The following DGKK variants were observed in gnomAD, a reference collection of about 807,000 sequenced individuals.
DGKK encodes diacylglycerol kinase kappa, also known as 142 kDa diacylglycerol kinase.
A neutral mutation model predicts 92.2 loss-of-function variants in DGKK; 35 were observed. That is an observed-to-expected ratio of 0.38 (90% CI 0.29 to 0.50). The LOEUF (loss-of-function observed/expected upper bound fraction) is 0.50. DGKK is among the 20% of genes least tolerant of loss of function. The pLI, the probability that DGKK is intolerant of heterozygous loss-of-function variation, is 0.92. For synonymous variants in DGKK, 368 were observed against 360.6 expected, an observed-to-expected ratio of 1.02 and a Z score of -0.23; for missense variants, 910 against 992.2, an observed-to-expected ratio of 0.92 and a Z score of 1.11.
intron 4 of DGKK, among the ~76,000 whole-genome samples, chrX:50,420,127 C>T (rs961905611): frequency 8.9e-6 from 1 of 111,815 alleles, no homozygotes; most frequent in Non-Finnish European, 1.9e-5. Flanking sequence ...TAGCTGCTCA[C>T]ATACATCTTG....
chrX:50,371,612 CAGCACTGGACCCCCTGT>C (rs1430907323), intron 26 of DGKK, 95 bp downstream of exon 26: 2 of 518,308 alleles, frequency 3.9e-6, no homozygotes, highest in African/African-American at 4.8e-5. Context: ...AGTTTAAAGC[CAGCACTGGACCCCCTGT>C]ACTACAGTCA....
intron 1 of DGKK, among the ~76,000 whole-genome samples, chrX:50,445,364 G>C (rs1409117441): frequency 1.8e-5 from 2 of 110,695 alleles, no homozygotes; most frequent in Admixed American, 1.9e-4. Flanking sequence ...CAAGTTGTAT[G>C]TCCAGAATGG....
chrX:50,460,916 A>G (rs1352175160), intron 1 of DGKK, among the ~76,000 whole-genome samples: 1 of 105,591 alleles, frequency 9.5e-6, no homozygotes. Context: ...TTTTTGGCAT[A>G]TAGTTAAAAG....
chrX:50,377,937 G>A (rs1410457029), intron 22 of DGKK, among the ~76,000 whole-genome samples, 161 bp downstream of exon 22: 2 of 111,031 alleles, frequency 1.8e-5, no homozygotes, highest in Non-Finnish European at 3.8e-5. Context: ...GGTCTGGTGT[G>A]GGGGCCCAAG....
intron 4 of DGKK, among the ~76,000 whole-genome samples, chrX:50,414,196 G>A (rs1487285189): frequency 9.0e-6 from 1 of 111,639 alleles, no homozygotes; most frequent in African/African-American, 3.2e-5. Context: ...GTGGTTGAGG[G>A]AGAGGAGGAG....
chrX:50,404,101 A>T lies in DGKK; in HGVS notation c.1026T>A (p.Asn342Lys). ...SSYSHRTQHC[N>K]VCRESIPALS... is the part of the protein sequence containing the mutation. ...AGGCAGGAATGCTCTCTCGACAAACATTGCAGTGCTGGGTCCGGTGGCTGT... is the reference window on the plus strand; with the variant it reads ...AGGCAGGAATGCTCTCTCGACAAACTTTGCAGTGCTGGGTCCGGTGGCTGT... The change falls in exon 5 of 28, where the codon AAT (asparagine) becomes AAA (lysine). Residue 342 changes from asparagine to lysine, a missense_variant. Transcript: ENST00000611977. 2 of 1,211,391 alleles carry T rather than the reference A, an allele frequency of 1.7e-6. No individual in the cohort carries two copies. Among genetic ancestry groups the T allele is most frequent in the Non-Finnish European group, 2.2e-6 (2 of 895,305 alleles).
Position 50,470,343 on chromosome X carries a change from TTCTGGGGCCGGC to T in DGKK, c.324_335del (p.Pro115_Ala118del). The T allele has an allele frequency of 8.3e-7, 1 of 1,204,506 alleles. No homozygotes were observed. On this transcript the variant is annotated inframe_deletion, in exon 1 of 28. Coordinates refer to ENST00000611977, the MANE Select transcript of DGKK (RefSeq NM_001013742.4). ...ACTCTGTGGCAGGTTCTGGGGCCGG[TTCTGGGGCCGGC>T]TCTGTGGCAGGTTCTGGGGCCGGCT...
chrX:50,432,008 C>G (rs1557230360), intron 1 of DGKK, among the ~76,000 whole-genome samples: 1 of 112,018 alleles, frequency 8.9e-6, no homozygotes, highest in Admixed American at 9.4e-5. Flanking sequence ...TGCCATCGCT[C>G]TGCTCATGCC....
At chrX:50,455,231 A>C (rs1926580964) in intron 1 of DGKK, among the ~76,000 whole-genome samples, 2 of 112,138 alleles carry the variant, frequency 1.8e-5, no homozygotes, top group South Asian at 7.4e-4. Context: ...TTTCTTTAAG[A>C]AAGTCCTCAC....
intron 19 of DGKK, 105 bp downstream of exon 19, chrX:50,379,876 G>A: frequency 1.1e-6 from 1 of 926,931 alleles, no homozygotes; most frequent in Non-Finnish European, 1.6e-6. Flanking sequence ...GAGCTGTGAG[G>A]ATCACAGAGT....
At chrX:50,447,438 T>TATAATATATATATATATATATTATATA (rs1926394414) in intron 1 of DGKK, among the ~76,000 whole-genome samples, 1 of 63,827 alleles carries the variant, frequency 1.6e-5, no homozygotes, top group Non-Finnish European at 2.9e-5. Flanking sequence ...TATATATATA[T>TATAATATATATATATATATATTATATA]TTCACAGAAG....
intron 4 of DGKK, among the ~76,000 whole-genome samples, chrX:50,416,918 G>A (rs782460567): frequency 9.1e-6 from 1 of 110,260 alleles, no homozygotes; most frequent in Non-Finnish European, 1.9e-5. Context: ...AAGATAATTA[G>A]GAGGAATTTA....
intron 1 of DGKK, among the ~76,000 whole-genome samples, chrX:50,441,327 A>G (rs1926166945): frequency 9.0e-6 from 1 of 111,654 alleles, no homozygotes; most frequent in Non-Finnish European, 1.9e-5. Flanking sequence ...ATTCCCATAT[A>G]TGAATGTTCT....
intron 10 of DGKK, among the ~76,000 whole-genome samples, chrX:50,391,938 C>T (rs1557225581): frequency 8.9e-6 from 1 of 112,099 alleles, no homozygotes; most frequent in African/African-American, 3.2e-5. Context: ...AAGAGCAAGG[C>T]GGCTGCCTAA....
intron 1 of DGKK, among the ~76,000 whole-genome samples, chrX:50,447,380 TATA>T (rs1569545072): frequency 0.039 from 549 of 13,995 alleles, 84 homozygotes; most frequent in African/African-American, 0.21. Flanking sequence ...TATATATATA[TATA>T]ATATATATAT....
Position 50,376,060 on chromosome X carries a change from G to A in DGKK, c.3378C>T (p.Gly1126=). ...LNDIFYGQDS[G]NEMGAASCIP... ...TACAGGAAGCTGCACCCATCTCATT[G>A]CCACTGTCTTGGCCGTAAAATATAT... Residue 1126 remains glycine (G), a synonymous_variant, in exon 24 of 28, where the codon GGC becomes GGT. Transcript: ENST00000611977. 8.3e-7 allele frequency: 1 copy of A among 1,210,834 alleles called. No homozygotes were observed. The highest frequency in any genetic ancestry group is 1.1e-6 in the Non-Finnish European group (1 of 894,968).
chrX:50,368,299 CAT>C lies in DGKK; in HGVS notation c.*639_*640del, dbSNP rs1557222687. 1 of 110,622 alleles carries C rather than the reference CAT, an allele frequency of 9.0e-6. No homozygotes were observed. The highest frequency in any genetic ancestry group is 3.3e-5 in the African/African-American group (1 of 30,273). The allele number at this position is 110,622 out of a possible 1,213,427, so 9.1% of individuals were successfully genotyped here. On this transcript the variant is annotated 3_prime_UTR_variant, in exon 28 of 28. Coordinates refer to ENST00000611977, the MANE Select transcript of DGKK (RefSeq NM_001013742.4). ...GGACATATGCAGACATACAAGCACA[CAT>C]AGAAAAACGCAAAGGGTTTGCAGAG...
chrX:50,405,885 A>T (rs782147694), intron 4 of DGKK, among the ~76,000 whole-genome samples: 1 of 111,769 alleles, frequency 8.9e-6, no homozygotes, highest in Admixed American at 9.5e-5. Context: ...TGGCACTTTG[A>T]GCTCCTAGAA....
intron 1 of DGKK, among the ~76,000 whole-genome samples, chrX:50,468,667 T>C (rs1926971328): frequency 9.0e-6 from 1 of 111,444 alleles, no homozygotes; most frequent in African/African-American, 3.3e-5. Flanking sequence ...TTTTGCAAAC[T>C]CAAGCCTCCC....
Sources: gnomAD v4.1 joint callset for allele counts (sites outside exome capture counted in the v4.1 genomes callset) on GRCh38, gnomAD v4.1.1 for gene constraint, MANE v1.5 for transcripts, NCBI Gene and HGNC (gene_info 2026-07-23, HGNC 2026-07-21) for gene names.